RMND5B: variants seen among roughly 807,000 people sequenced by gnomAD.
RMND5B encodes the protein E3 ubiquitin-protein transferase RMND5B.
A neutral mutation model predicts 50.4 loss-of-function variants in RMND5B; 42 were observed. The ratio of observed to expected loss-of-function variants is 0.83; its 90% CI spans 0.65 to 1.08. The LOEUF (loss-of-function observed/expected upper bound fraction) is 1.08, where lower values mean the gene tolerates loss of function less well. RMND5B is among the 50% of genes least tolerant of loss of function. The probability of loss-of-function intolerance (pLI) is 0.00; values close to 1 mark genes in which losing one functional copy is unlikely to be tolerated. For synonymous variants in RMND5B, 220 were observed against 210.0 expected (o/e 1.05, Z -0.41); for missense variants, 463 against 508.5 (o/e 0.91, Z 0.86).
rs1377458069 is a variant in RMND5B, at chr5:178,142,748, C to G, written c.285+20C>G. 4 of 1,614,240 alleles carry G rather than the reference C, an allele frequency of 2.5e-6. No individual in the cohort carries two copies. The highest frequency in any genetic ancestry group is 3.4e-6 in the Non-Finnish European group (4 of 1,180,042). On this transcript the variant is annotated intron_variant, in intron 4 of 10. Transcript: ENST00000313386. The stretch of plus-strand genomic sequence containing the variant: ...GACAGGGTGAGCACGTGGCCGGCTC[C>G]AGGCGTGGGGTGGGAGCACCCTGAA...
Position 178,137,161 on chromosome 5 carries a change from C to G in RMND5B, c.-12-947C>G, listed in dbSNP as rs1758660013. ...GGCCAGGTGAGGAAGCAGCATGTAC[C>G]AGGGCACGCAGCTATGAGACAGCAA... On this transcript the variant is annotated intron_variant, in intron 2 of 10. Transcript: ENST00000313386. This position sits in a 1 kb window ranked among gnomAD's most constrained non-coding sequence, Gnocchi z 4.4. Among the ~76,000 whole-genome samples, 2 of 152,080 alleles carry G rather than the reference C, an allele frequency of 1.3e-5. No individual in the cohort carries two copies. The highest frequency in any genetic ancestry group is 4.8e-5 in the African/African-American group (2 of 41,406).
intron 7 of RMND5B, among the ~76,000 whole-genome samples, chr5:178,145,067 A>G (rs533294071): frequency 6.6e-6 from 1 of 152,266 alleles, no homozygotes; most frequent in East Asian, 1.9e-4. Context: ...TATTTTTGAG[A>G]CAAAGTCTCA....
chr5:178,145,983 C>G (rs1371021431), intron 7 of RMND5B, 131 bp from the exon 8 acceptor site: 1 of 869,472 alleles, frequency 1.2e-6, no homozygotes, highest in Non-Finnish European at 1.7e-6. Flanking sequence ...TTCATCCCTG[C>G]TCAGTCTCCT....
intron 8 of RMND5B, chr5:178,147,236 G>A (rs1756060778): frequency 2.3e-6 from 1 of 429,964 alleles, no homozygotes; most frequent in African/African-American, 2.0e-5. Flanking sequence ...CTGTTCCCTA[G>A]TCACACCAAG....
intron 5 of RMND5B, 113 bp downstream of exon 5, chr5:178,143,105 C>A: frequency 3.2e-6 from 4 of 1,239,288 alleles, no homozygotes; most frequent in Non-Finnish European, 4.4e-6. Context: ...TAAAGGAAAT[C>A]AGCACCTCTG....
rs576328219 is a variant in RMND5B at position 178,131,223 on chromosome 5, T to C, written c.-152-14T>C. ...GCCCCGAACAATCTGCCCTTGGGCT[T>C]GTTCTCTTCGCAGTTGTCGGCCCTG... On this transcript the variant is annotated splice_polypyrimidine_tract_variant and intron_variant, in intron 1 of 10. Coordinates refer to ENST00000313386, the MANE Select transcript of RMND5B (RefSeq NM_022762.5). The C allele has an allele frequency of 1.3e-5, 2 of 152,164 alleles. No homozygotes were observed. Among genetic ancestry groups the C allele is most frequent in the East Asian group, 3.9e-4 (2 of 5,118 alleles). 9.4% of individuals were successfully genotyped at this position (152,164 alleles called of 1,614,324 possible).
chr5:178,140,327 C>T (rs942622800), intron 3 of RMND5B, among the ~76,000 whole-genome samples: 4 of 147,834 alleles, frequency 2.7e-5, no homozygotes, highest in African/African-American at 7.6e-5. Flanking sequence ...CAGTACACTA[C>T]CAGGCCCTGC....
intron 2 of RMND5B, among the ~76,000 whole-genome samples, chr5:178,132,524 C>G (rs562281373): frequency 6.6e-6 from 1 of 151,824 alleles, no homozygotes; most frequent in African/African-American, 2.4e-5. Flanking sequence ...TAAATAAACA[C>G]AAAGGAGAAA....
chr5:178,134,094 A>G (rs915160313), intron 2 of RMND5B, among the ~76,000 whole-genome samples: 6 of 152,204 alleles, frequency 3.9e-5, no homozygotes, highest in Non-Finnish European at 8.8e-5. Context: ...ACAAGACTAC[A>G]TTCCAGCCAT....
chr5:178,142,267 A>T, intron 3 of RMND5B: 1 of 311,872 alleles, frequency 3.2e-6, no homozygotes, highest in East Asian at 6.4e-5. Context: ...AATCCTATGC[A>T]TGCTGTAGTC....
Position 178,140,774 on chromosome 5 carries a change from G to A in RMND5B, c.140-1809G>A, listed in dbSNP as rs139465046. Reference sequence around the variant, plus strand: ...GAACCCAGGAGGTGGAGGTTGCAGCGAGCCAAGATCGCGCCACTGCATTCC... The same window carrying A: ...GAACCCAGGAGGTGGAGGTTGCAGCAAGCCAAGATCGCGCCACTGCATTCC... On this transcript the variant is annotated intron_variant, in intron 3 of 10. Coordinates refer to ENST00000313386, the MANE Select transcript of RMND5B (RefSeq NM_022762.5). Among the ~76,000 whole-genome samples the A allele has an allele frequency of 9.4e-3, 1,428 of 151,252 alleles. 21 individuals carry two copies. The highest frequency in any genetic ancestry group is 0.033 in the African/African-American group (1,365 of 41,140).
At position 178,138,093 on chromosome 5, in the gene RMND5B, G is replaced by C. The variant is rs750495304; in HGVS notation, c.-12-15G>C. On this transcript the variant is annotated splice_polypyrimidine_tract_variant and intron_variant, in intron 2 of 10. Coordinates refer to ENST00000313386, the MANE Select transcript of RMND5B (RefSeq NM_022762.5). The surrounding 1 kb of genome is among the most constrained non-coding windows in gnomAD (Gnocchi z 5.1). ...CGTGGCCCAGATGGGGCCTGACCCA[G>C]CTGACCCTCCCCAGGCTGAGGCCAC... 4 of 1,564,878 alleles carry C rather than the reference G, an allele frequency of 2.6e-6. No homozygotes were observed. The African/African-American group carries it at 5.4e-5, about 21-fold the overall frequency.
intron 8 of RMND5B, 116 bp from the exon 9 acceptor site, chr5:178,147,417 G>C: frequency 1.4e-6 from 1 of 710,998 alleles, no homozygotes; most frequent in Non-Finnish European, 2.4e-6. Flanking sequence ...GGACCGATTT[G>C]ACCGTGCACC....
chr5:178,139,730 G>A (rs973002878), intron 3 of RMND5B, among the ~76,000 whole-genome samples: 1 of 67,558 alleles, frequency 1.5e-5, no homozygotes, highest in African/African-American at 5.9e-5. Flanking sequence ...TTTTTTTTTT[G>A]GATTTTTAGT....
At chr5:178,144,847 C>A (rs1755901070) in intron 7 of RMND5B, among the ~76,000 whole-genome samples, 1 of 152,048 alleles carries the variant, frequency 6.6e-6, no homozygotes, top group Non-Finnish European at 1.5e-5. Context: ...GAACCCCTGC[C>A]CCTGCTCCCA....
Position 178,143,733 on chromosome 5 carries a change from G to A in RMND5B, c.527+6G>A. Reference sequence around the variant, plus strand: ...GACCTGGGTCCTGCGTTGGAGTAAGGAGGCCCTTGGGTGGGCCAGCAGCAT... The same window carrying A: ...GACCTGGGTCCTGCGTTGGAGTAAGAAGGCCCTTGGGTGGGCCAGCAGCAT... On this transcript the variant is annotated splice_donor_region_variant and intron_variant, in intron 6 of 10. Coordinates refer to ENST00000313386, the MANE Select transcript of RMND5B (RefSeq NM_022762.5). The A allele has an allele frequency of 6.2e-7, 1 of 1,608,598 alleles. No individual in the cohort carries two copies. Among genetic ancestry groups the A allele is most frequent in the Non-Finnish European group, 8.5e-7 (1 of 1,174,964 alleles).
At position 178,149,683 on chromosome 5, in the gene RMND5B, C is replaced by T. The variant is rs766666396; in HGVS notation, c.*1651C>T. On this transcript the variant is annotated 3_prime_UTR_variant, in exon 11 of 11. Coordinates refer to ENST00000313386, the MANE Select transcript of RMND5B (RefSeq NM_022762.5). ...CTGCTGCCAGCCCAATAGCTTCCAG[C>T]GGCAGGTGCCCAGGTGCTACCGGAG... 4.1e-5 allele frequency: 66 copies of T among 1,611,322 alleles called. No individual in the cohort carries two copies. The highest frequency in any genetic ancestry group is 3.0e-4 in the Admixed American group (18 of 59,950).
chr5:178,143,923 C>T lies in RMND5B; in HGVS notation c.528-19C>T. 6.2e-7 allele frequency: 1 copy of T among 1,613,480 alleles called. No homozygotes were observed. The highest frequency in any genetic ancestry group is 8.5e-7 in the Non-Finnish European group (1 of 1,179,544). On this transcript the variant is annotated intron_variant, in intron 6 of 10. Transcript: ENST00000313386. ...TAGCCCCCACCAGCTCTACACTAAACTGGCCCCTTTCTTCCCAGATGGGCC... is the reference window on the plus strand; with the variant it reads ...TAGCCCCCACCAGCTCTACACTAAATTGGCCCCTTTCTTCCCAGATGGGCC...
At position 178,144,100 on chromosome 5, in the gene RMND5B, A is replaced by G; in HGVS notation, c.686A>G (p.His229Arg). The G allele has an allele frequency of 1.2e-6, 2 of 1,613,306 alleles. No individual in the cohort carries two copies. The highest frequency in any genetic ancestry group is 1.7e-6 in the Non-Finnish European group (2 of 1,179,566). ...ARHFQPFARL[H>R]QREIQVMMGS... The stretch of plus-strand genomic sequence containing the variant: ...CACTTCCAGCCCTTTGCTCGGCTGC[A>G]CCAGCGGGGTGAGTGCCCAGGCAGC... Residue 229 changes from histidine (H) to arginine (R), a missense_variant, in exon 7 of 11, where the codon CAC (histidine) becomes CGC (arginine). Coordinates refer to ENST00000313386, the MANE Select transcript of RMND5B (RefSeq NM_022762.5).
Sources: gnomAD v4.1 joint callset for allele counts (sites outside exome capture counted in the v4.1 genomes callset) on GRCh38, gnomAD v4.1.1 for gene constraint, Gnocchi (gnomAD v3.1) non-coding constraint, MANE v1.5 for transcripts, NCBI Gene and HGNC (gene_info 2026-07-23, HGNC 2026-07-21) for gene names.